The following IGF2R variants were observed in gnomAD, a reference collection of about 807,000 sequenced individuals.
IGF2R encodes the protein insulin like growth factor 2 receptor.
A neutral mutation model predicts 270.6 loss-of-function variants in IGF2R; 91 were observed. The ratio of observed to expected loss-of-function variants is 0.34; its 90% CI spans 0.28 to 0.40. The LOEUF (loss-of-function observed/expected upper bound fraction) is 0.40. Among genes scored for constraint, IGF2R ranks in the 10% least tolerant of loss-of-function variants. IGF2R has a pLI of 1.00. For missense variants in IGF2R, 2,805 were observed against 3,188.3 expected (o/e 0.88, Z 2.90); for synonymous variants, 1,316 against 1,258.9 (o/e 1.05, Z -0.96).
At chr6:160,059,548 A>AG (rs1452098402) in intron 22 of IGF2R, among the ~76,000 whole-genome samples, 2 of 152,164 alleles carry the variant, frequency 1.3e-5, no homozygotes, top group Non-Finnish European at 2.9e-5. Context: ...CCCGCAGATA[A>AG]GGGGGGCTGC....
At chr6:159,986,428 GTGTTTT>G (rs1783887211) in intron 1 of IGF2R, among the ~76,000 whole-genome samples, 1 of 116,360 alleles carries the variant, frequency 8.6e-6, no homozygotes, top group African/African-American at 3.5e-5. Context: ...GTGTGTGTGT[GTGTTTT>G]TTTTTTTTTT....
chr6:160,051,653 A>G (rs1023479877), intron 19 of IGF2R, among the ~76,000 whole-genome samples: 75 of 152,314 alleles, frequency 4.9e-4, no homozygotes, highest in African/African-American at 1.7e-3. Flanking sequence ...AATACAAAAC[A>G]GGAATAAGAA....
intron 30 of IGF2R, 146 bp from the exon 31 acceptor site, chr6:160,069,722 A>T: frequency 1.4e-6 from 1 of 691,692 alleles, no homozygotes; most frequent in South Asian, 1.9e-5. Context: ...CATCTGACTT[A>T]TGTGAAAGAA....
rs187630956 is a variant in IGF2R at position 159,997,036 on chromosome 6, A to G, written c.289+5713A>G. Reference sequence around the variant, plus strand: ...TGGGGGAGGAGAAGTCCTACTACCCACATCCGTGCCCAAGCACTGAGACCA... The same window carrying G: ...TGGGGGAGGAGAAGTCCTACTACCCGCATCCGTGCCCAAGCACTGAGACCA... On this transcript the variant is annotated intron_variant, in intron 2 of 47. Coordinates refer to ENST00000356956, the MANE Select transcript of IGF2R (RefSeq NM_000876.4). Among the ~76,000 whole-genome samples, 506 of 152,264 alleles carry G rather than the reference A, an allele frequency of 3.3e-3. 5 individuals are homozygous for G. Among genetic ancestry groups the G allele is most frequent in the African/African-American group, 0.012 (491 of 41,548 alleles).
chr6:159,987,312 A>G (rs887800488), intron 1 of IGF2R, among the ~76,000 whole-genome samples: 5 of 152,208 alleles, frequency 3.3e-5, no homozygotes, highest in African/African-American at 1.2e-4. Context: ...AGTTTTTGGA[A>G]TATTCTTCAT....
At chr6:160,048,695 C>T in intron 18 of IGF2R, 152 bp downstream of exon 18, 1 of 682,608 alleles carries the variant, frequency 1.5e-6, no homozygotes, top group Non-Finnish European at 2.4e-6. Flanking sequence ...GTGAACTCAT[C>T]TGCCTCCTGT....
rs144649257 is a variant in IGF2R at position 160,079,588 on chromosome 6, C to T, written c.5487C>T (p.Arg1829=). 2.3e-5 allele frequency: 33 copies of T among 1,434,744 alleles called. No homozygotes were observed. Among genetic ancestry groups the T allele is most frequent in the East Asian group, 1.0e-4 (4 of 38,106 alleles). 88.9% of individuals were successfully genotyped at this position (1,434,744 alleles called of 1,614,324 possible). Residue 1829 remains arginine (R), a synonymous_variant, in exon 38 of 48, where the codon CGC becomes CGT. Coordinates refer to ENST00000356956, the MANE Select transcript of IGF2R (RefSeq NM_000876.4). ...SLSTSTFKVT[R]DSRTYSVGVC... ...GCATGGTTTTTGTCCAGGTGACTCGCGACTCGCGCACCTACAGCGTTGGGG... is the reference window on the plus strand; with the variant it reads ...GCATGGTTTTTGTCCAGGTGACTCGTGACTCGCGCACCTACAGCGTTGGGG...
rs1487460177 is a variant in IGF2R, at chr6:160,079,834, T to C, written c.5686+47T>C. The C allele has an allele frequency of 2.1e-6, 3 of 1,416,732 alleles. No homozygotes were observed. In the Admixed American group the frequency reaches 7.7e-5, roughly 36 times the overall value. 87.8% of individuals were successfully genotyped at this position (1,416,732 alleles called of 1,614,324 possible). On this transcript the variant is annotated intron_variant, in intron 38 of 47. Transcript: ENST00000356956. ...AATAAACTTCAAGCTCATAGTAAAC[T>C]AGAAATTAGACATAGCAGCAGAAAG...
In IGF2R at chr6:160,050,985, G is replaced by A. The variant is rs983273308; in HGVS notation, c.2694+333G>A. ...GAGTTGAGGATCGTGGCAGTGGAACGGGGCTTAGAGATAGTTTGGTCCTGT... is the reference window on the plus strand; with the variant it reads ...GAGTTGAGGATCGTGGCAGTGGAACAGGGCTTAGAGATAGTTTGGTCCTGT... On this transcript the variant is annotated intron_variant, in intron 19 of 47. Coordinates refer to ENST00000356956, the MANE Select transcript of IGF2R (RefSeq NM_000876.4). The surrounding 1 kb of genome is among the most constrained non-coding windows in gnomAD (Gnocchi z 4.0). Among the ~76,000 whole-genome samples the A allele has an allele frequency of 6.6e-6, 1 of 152,112 alleles. No homozygotes were observed. The highest frequency in any genetic ancestry group is 2.4e-5 in the African/African-American group (1 of 41,428).
Position 160,047,316 on chromosome 6 carries a change from G to A in IGF2R, c.2209G>A (p.Val737Met). 6.3e-7 allele frequency: 1 copy of A among 1,599,960 alleles called. No individual in the cohort carries two copies. Among genetic ancestry groups the A allele is most frequent in the South Asian group, 1.1e-5 (1 of 89,928 alleles). The change falls in exon 16 of 48, where the codon GTG (valine) becomes ATG (methionine). Residue 737 changes from valine (V) to methionine (M), a missense_variant. Val to Met is a conservative substitution (Grantham distance 21). Coordinates refer to ENST00000356956, the MANE Select transcript of IGF2R (RefSeq NM_000876.4). Reference protein sequence around the residue: ...ITFLCDRDAGVGFPEYQEEDN... With the variant: ...ITFLCDRDAGMGFPEYQEEDN... The stretch of plus-strand genomic sequence containing the variant: ...CTTTCTCTGTGATCGAGACGCGGGA[G>A]TGGGCTTCCCTGAATATCAGGTAGG...
intron 18 of IGF2R, among the ~76,000 whole-genome samples, chr6:160,048,915 C>T (rs8191811): frequency 6.6e-6 from 1 of 152,110 alleles, no homozygotes; most frequent in African/African-American, 2.4e-5. Flanking sequence ...GGGGAAAAAC[C>T]GATTTGGGAG....
chr6:160,013,340 A>G (rs972643503), intron 4 of IGF2R, among the ~76,000 whole-genome samples: 2 of 151,902 alleles, frequency 1.3e-5, no homozygotes, highest in African/African-American at 4.8e-5. Context: ...GTTACAAAAC[A>G]AAGAGGAATA....
At chr6:160,062,044 C>T (rs1477187891) in intron 25 of IGF2R, 116 bp downstream of exon 25, 3 of 936,550 alleles carry the variant, frequency 3.2e-6, no homozygotes, top group Admixed American at 2.2e-5. Context: ...CGTGGAGTTT[C>T]AGCCATTGCT....
chr6:160,073,520 A>C (rs1583293240), intron 34 of IGF2R, 51 bp downstream of exon 34: 2 of 1,595,218 alleles, frequency 1.3e-6, no homozygotes, highest in South Asian at 1.1e-5. Context: ...GCCTGGCTGC[A>C]CCCGGGCCCC....
At chr6:160,047,369 A>G in intron 16 of IGF2R, 33 bp downstream of exon 16, 1 of 1,525,976 alleles carries the variant, frequency 6.6e-7, no homozygotes, top group Non-Finnish European at 8.8e-7. Flanking sequence ...GCGCTCCCTG[A>G]GGATACTCAT....
chr6:160,002,826 G>T (rs945542304), intron 2 of IGF2R, among the ~76,000 whole-genome samples: 2 of 152,074 alleles, frequency 1.3e-5, no homozygotes, highest in African/African-American at 4.8e-5. Context: ...ATAAACTTTG[G>T]ATTGGAGTTA....
intron 4 of IGF2R, among the ~76,000 whole-genome samples, chr6:160,017,996 C>T (rs1421386383): frequency 6.6e-6 from 1 of 152,034 alleles, no homozygotes; most frequent in Admixed American, 6.6e-5. Context: ...GGAATAAAAC[C>T]TCACATATTA....
At position 160,102,497 on chromosome 6, in the gene IGF2R, C is replaced by G. The variant is rs780695953; in HGVS notation, c.6843-22C>G. On this transcript the variant is annotated intron_variant, in intron 45 of 47. Transcript: ENST00000356956. This position sits in a 1 kb window ranked among gnomAD's most constrained non-coding sequence, Gnocchi z 4.5. ...GCAGGACCACCCTGTGACACGGCTC[C>G]TTTTCTGTGACGTCCTTGCAGGGTG... 2 of 1,605,848 alleles carry G rather than the reference C, an allele frequency of 1.2e-6. No homozygotes were observed. Among genetic ancestry groups the G allele is most frequent in the Admixed American group, 3.3e-5 (2 of 59,852 alleles).
chr6:159,977,148 T>A (rs1468128497), intron 1 of IGF2R, among the ~76,000 whole-genome samples: 2 of 152,242 alleles, frequency 1.3e-5, no homozygotes, highest in Non-Finnish European at 2.9e-5. Flanking sequence ...GTGGACGCTG[T>A]AGCTTCTGTC....
Sources: allele counts gnomAD v4.1 joint callset (sites outside exome capture counted in the v4.1 genomes callset), GRCh38; gene constraint gnomAD v4.1.1; non-coding constraint Gnocchi (gnomAD v3.1); transcripts MANE v1.5; gene names NCBI Gene and HGNC (gene_info 2026-07-23, HGNC 2026-07-21).